The following CLMN variants were observed in gnomAD, a reference collection of about 807,000 sequenced individuals.
The protein encoded by CLMN is calmin (calponin-like, transmembrane).
CLMN carries 57 observed loss-of-function variants against 92.7 expected under a neutral mutation model. That is an observed-to-expected ratio of 0.61 (90% CI 0.50 to 0.77). The LOEUF (loss-of-function observed/expected upper bound fraction) is 0.77, where lower values mean the gene tolerates loss of function less well. Ranked by LOEUF, CLMN falls within the 30% of genes least tolerant of loss-of-function variation. The probability of loss-of-function intolerance (pLI) is 0.00; values close to 1 mark genes in which losing one functional copy is unlikely to be tolerated. For synonymous variants in CLMN, 466 were observed against 470.6 expected, an observed-to-expected ratio of 0.99 and a Z score of 0.13; for missense variants, 1,158 against 1,237.5, an observed-to-expected ratio of 0.94 and a Z score of 0.96.
chr14:95,257,158 G>A (rs574530309), intron 1 of CLMN, among the ~76,000 whole-genome samples: 1 of 152,304 alleles, frequency 6.6e-6, no homozygotes, highest in Admixed American at 6.5e-5. Flanking sequence ...TTTCATCCTG[G>A]GTTGACGTTT....
chr14:95,230,750 G>A lies in CLMN; in HGVS notation c.83-617C>T, dbSNP rs559056011. On this transcript the variant is annotated intron_variant, in intron 1 of 12. Transcript: ENST00000298912. ...CTGCTCTAAGGATACCCAGGCTCCT[G>A]CAGAGCCAACTCCACACAGTCCCTG... Among the ~76,000 whole-genome samples the A allele has an allele frequency of 3.1e-4, 47 of 152,378 alleles. 1 individual carries two copies. The South Asian group carries it at 9.5e-3, about 31-fold the overall frequency.
chr14:95,236,133 C>A (rs1301890452), intron 1 of CLMN, among the ~76,000 whole-genome samples: 1 of 152,240 alleles, frequency 6.6e-6, no homozygotes, highest in Non-Finnish European at 1.5e-5. Context: ...TGCGCAGCTG[C>A]TCTCATGTGG....
At chr14:95,317,601 A>G (rs1406129260) in intron 1 of CLMN, among the ~76,000 whole-genome samples, 2 of 108,888 alleles carry the variant, frequency 1.8e-5, no homozygotes, top group African/African-American at 5.5e-5. Context: ...AATGCTGGGA[A>G]AAAAAAAAAA....
chr14:95,231,217 T>G (rs7151255), intron 1 of CLMN, among the ~76,000 whole-genome samples: 50,700 of 145,696 alleles, frequency 0.35, 9,293 homozygotes, highest in African/African-American at 0.39. Flanking sequence ...TTTTTTTTGA[T>G]ACAGAGTCTA....
chr14:95,221,157 C>T (rs559827223), intron 4 of CLMN, among the ~76,000 whole-genome samples: 40 of 152,100 alleles, frequency 2.6e-4, no homozygotes, highest in African/African-American at 9.4e-4. Flanking sequence ...ATGAAACGTC[C>T]TCCCTGCTGA....
At chr14:95,312,372 T>C (rs956164205) in intron 1 of CLMN, among the ~76,000 whole-genome samples, 4 of 152,154 alleles carry the variant, frequency 2.6e-5, no homozygotes, top group African/African-American at 9.7e-5. Context: ...ATTTAAAACG[T>C]ACCCCAGGCA....
chr14:95,309,855 G>A (rs975660763), intron 1 of CLMN, among the ~76,000 whole-genome samples: 6 of 152,010 alleles, frequency 3.9e-5, no homozygotes, highest in Non-Finnish European at 7.3e-5. Context: ...TGAGATTCCT[G>A]TGGCTGCTGT....
intron 1 of CLMN, among the ~76,000 whole-genome samples, chr14:95,290,134 T>C (rs540782032): frequency 6.6e-6 from 1 of 152,368 alleles, no homozygotes; most frequent in East Asian, 1.9e-4. Context: ...TGTTTCTCGT[T>C]GACACCTGCA....
At chr14:95,280,539 G>A (rs1308841426) in intron 1 of CLMN, among the ~76,000 whole-genome samples, 3 of 152,044 alleles carry the variant, frequency 2.0e-5, no homozygotes, top group Non-Finnish European at 2.9e-5. Flanking sequence ...AATGACTTAC[G>A]GTGACCTGGG....
intron 2 of CLMN, among the ~76,000 whole-genome samples, chr14:95,225,915 G>A (rs1160743354): frequency 6.6e-5 from 10 of 152,210 alleles, no homozygotes; most frequent in African/African-American, 1.7e-4. Flanking sequence ...TTGGCTGGAC[G>A]TGGCCGGGAG....
intron 1 of CLMN, among the ~76,000 whole-genome samples, chr14:95,312,613 C>A (rs953796912): frequency 2.0e-4 from 30 of 152,224 alleles, no homozygotes; most frequent in Non-Finnish European, 8.8e-5. Flanking sequence ...GCCGGCCTCA[C>A]CCCACGAACC....
At chr14:95,212,014 C>T (rs1897213635) in intron 6 of CLMN, among the ~76,000 whole-genome samples, 1 of 152,034 alleles carries the variant, frequency 6.6e-6, no homozygotes, top group African/African-American at 2.4e-5. Flanking sequence ...TGACAATGAA[C>T]TTTTTTTTGG....
intron 1 of CLMN, among the ~76,000 whole-genome samples, chr14:95,274,894 G>A (rs1486380567): frequency 7.3e-5 from 11 of 150,386 alleles, no homozygotes; most frequent in Non-Finnish European, 1.5e-4. Context: ...CAGGAGAATC[G>A]CTTGAACCCA....
rs950570407 is a variant in CLMN at position 95,201,581 on chromosome 14, T to A, written c.2511+1257A>T. Among the ~76,000 whole-genome samples, 9 of 149,632 alleles carry A rather than the reference T, an allele frequency of 6.0e-5. No homozygotes were observed. In the South Asian group the frequency reaches 1.3e-3, roughly 21 times the overall value. ...CTTTTTTTTCCTTTTTTTTTTTTTT[T>A]ATTTTACTTTAAGTTCTGGGATACA... On this transcript the variant is annotated intron_variant, in intron 9 of 12. Transcript: ENST00000298912.
At chr14:95,238,180 G>A (rs1595608943) in intron 1 of CLMN, among the ~76,000 whole-genome samples, 2 of 152,152 alleles carry the variant, frequency 1.3e-5, no homozygotes, top group Admixed American at 6.5e-5. Context: ...TACTCCTGGC[G>A]TGGCCCAGCC....
At chr14:95,280,463 G>A (rs1428667930) in intron 1 of CLMN, among the ~76,000 whole-genome samples, 1 of 152,176 alleles carries the variant, frequency 6.6e-6, no homozygotes, top group Non-Finnish European at 1.5e-5. Flanking sequence ...AGAAAGCTAA[G>A]TCTTCCCTCT....
At chr14:95,295,235 A>G (rs1185313482) in intron 1 of CLMN, among the ~76,000 whole-genome samples, 1 of 152,244 alleles carries the variant, frequency 6.6e-6, no homozygotes, top group African/African-American at 2.4e-5. Context: ...GCTGCAATGC[A>G]CACAAGCTGG....
chr14:95,217,062 A>G (rs1897373397), intron 4 of CLMN, among the ~76,000 whole-genome samples: 1 of 152,190 alleles, frequency 6.6e-6, no homozygotes, highest in African/African-American at 2.4e-5. Flanking sequence ...CAGAGAGTAA[A>G]TATTTAAGGC....
chr14:95,216,090 A>T (rs991070018), intron 4 of CLMN, among the ~76,000 whole-genome samples: 11 of 152,172 alleles, frequency 7.2e-5, no homozygotes, highest in Non-Finnish European at 1.0e-4. Flanking sequence ...TTATAAAAGG[A>T]AAGGGGATTA....
Sources: allele counts gnomAD v4.1 joint callset (sites outside exome capture counted in the v4.1 genomes callset), GRCh38; gene constraint gnomAD v4.1.1; transcripts MANE v1.5; gene names NCBI Gene and HGNC (gene_info 2026-07-23, HGNC 2026-07-21).